METRNL: variants seen among roughly 807,000 people sequenced by gnomAD.
METRNL encodes meteorin-like protein.
Under a neutral mutation model 17.4 loss-of-function variants are expected in METRNL, and 9 were observed. That is an observed-to-expected ratio of 0.52 (90% CI 0.31 to 0.90). The LOEUF (loss-of-function observed/expected upper bound fraction) is 0.90, where lower values mean the gene tolerates loss of function less well. Among genes scored for constraint, METRNL ranks in the 40% least tolerant of loss-of-function variants. The pLI, the probability that METRNL is intolerant of heterozygous loss-of-function variation, is 0.05. For synonymous variants in METRNL, 215 were observed against 199.3 expected, an observed-to-expected ratio of 1.08 and a Z score of -0.66; for missense variants, 408 against 430.7, an observed-to-expected ratio of 0.95 and a Z score of 0.47.
intron 1 of METRNL, among the ~76,000 whole-genome samples, chr17:83,081,685 A>ACCC (rs145606529): frequency 6.7e-6 from 1 of 150,272 alleles, no homozygotes; most frequent in African/African-American, 2.5e-5. Context: ...CACACAGGGG[A>ACCC]CCCCCCCCAA....
Position 83,085,031 on chromosome 17 carries a change from T to G in METRNL, c.264T>G (p.Ala88=). Residue 88 remains alanine (A), a synonymous_variant, in exon 2 of 4, where the codon GCT becomes GCG. Transcript: ENST00000320095. ...TGGAGTGGATGTACCCAACAGGTGC[T>G]CTCATCGTTAACCTGCGGCCCAACA... ...GAVEWMYPTG[A]LIVNLRPNTF... 6.2e-7 allele frequency: 1 copy of G among 1,613,832 alleles called. No homozygotes were observed.
At chr17:83,088,453 C>T (rs1001969568) in intron 2 of METRNL, among the ~76,000 whole-genome samples, 3 of 152,212 alleles carry the variant, frequency 2.0e-5, no homozygotes, top group African/African-American at 7.2e-5. Flanking sequence ...GTCTGTTCTT[C>T]AGCTTCTCCC....
chr17:83,091,680 A>C (rs551561254), intron 2 of METRNL, among the ~76,000 whole-genome samples: 1 of 152,348 alleles, frequency 6.6e-6, no homozygotes, highest in African/African-American at 2.4e-5. Flanking sequence ...GCAGCCGGCC[A>C]GGGGTGCAGA....
At chr17:83,081,904 C>T (rs2037993803) in intron 1 of METRNL, among the ~76,000 whole-genome samples, 1 of 152,218 alleles carries the variant, frequency 6.6e-6, no homozygotes, top group African/African-American at 2.4e-5. Flanking sequence ...GGCCTGCCTG[C>T]TACCCTCCGG....
chr17:83,085,847 G>A (rs1034703305), intron 2 of METRNL, among the ~76,000 whole-genome samples: 52 of 152,212 alleles, frequency 3.4e-4, no homozygotes, highest in Admixed American at 4.6e-4. Flanking sequence ...CTGTGGTGTC[G>A]GCTAAAGACC....
At chr17:83,087,987 C>A (rs1373590373) in intron 2 of METRNL, among the ~76,000 whole-genome samples, 1 of 152,278 alleles carries the variant, frequency 6.6e-6, no homozygotes, top group Non-Finnish European at 1.5e-5. Context: ...TTGGTGTGAT[C>A]GTGGTGCGTT....
chr17:83,085,435 A>G (rs2038041918), intron 2 of METRNL, 112 bp downstream of exon 2: 2 of 1,341,762 alleles, frequency 1.5e-6, no homozygotes, highest in South Asian at 1.6e-5. Context: ...CTTGGTGAAA[A>G]CCCTTCTGTG....
In METRNL at chr17:83,088,271, C is replaced by T. The variant is rs556011888; in HGVS notation, c.556+2948C>T. On this transcript the variant is annotated intron_variant, in intron 2 of 3. Coordinates refer to ENST00000320095, the MANE Select transcript of METRNL (RefSeq NM_001004431.3). ...AGAGTGGTCAGGTGCAGCTTCCGGCCGTGCCCAGACCTGTGCCCAGCAGAC... is the reference window on the plus strand; with the variant it reads ...AGAGTGGTCAGGTGCAGCTTCCGGCTGTGCCCAGACCTGTGCCCAGCAGAC... Among the ~76,000 whole-genome samples, 302 of 152,358 alleles carry T rather than the reference C, an allele frequency of 2.0e-3. 1 individual carries two copies. The highest frequency in any genetic ancestry group is 7.0e-3 in the African/African-American group (290 of 41,582).
chr17:83,089,922 C>T (rs1217266378), intron 2 of METRNL, among the ~76,000 whole-genome samples: 5 of 152,016 alleles, frequency 3.3e-5, no homozygotes, highest in African/African-American at 7.3e-5. Flanking sequence ...CCCGGCCCCA[C>T]ACCCCTGCCG....
At chr17:83,083,082 T>C (rs1010840392) in intron 1 of METRNL, among the ~76,000 whole-genome samples, 1 of 152,214 alleles carries the variant, frequency 6.6e-6, no homozygotes, top group Non-Finnish European at 1.5e-5. Flanking sequence ...TTCCTCTTTT[T>C]GCCCAGTGTC....
At chr17:83,092,305 C>G (rs966997872) in intron 2 of METRNL, 1 of 152,300 alleles carries the variant, frequency 6.6e-6, no homozygotes, top group Non-Finnish European at 1.5e-5. Flanking sequence ...CAGGTGGACG[C>G]GTCGCTGCCT....
chr17:83,088,930 C>G (rs1438673696), intron 2 of METRNL, among the ~76,000 whole-genome samples: 1 of 152,142 alleles, frequency 6.6e-6, no homozygotes, highest in Non-Finnish European at 1.5e-5. Context: ...TCTCGTCCAT[C>G]TTTGGCTTCC....
At chr17:83,085,753 C>T (rs1029879242) in intron 2 of METRNL, among the ~76,000 whole-genome samples, 6 of 152,212 alleles carry the variant, frequency 3.9e-5, no homozygotes, top group South Asian at 2.1e-4. Flanking sequence ...CTGGGTCGGA[C>T]GCGCCCCCAT....
intron 2 of METRNL, among the ~76,000 whole-genome samples, chr17:83,089,534 G>A (rs1323047484): frequency 2.1e-5 from 3 of 140,430 alleles, no homozygotes; most frequent in Non-Finnish European, 4.6e-5. Context: ...CCACCCTGCC[G>A]GTCCCTCCCA....
At chr17:83,091,821 C>CA (rs2038140935) in intron 2 of METRNL, among the ~76,000 whole-genome samples, 1 of 152,234 alleles carries the variant, frequency 6.6e-6, no homozygotes, top group Non-Finnish European at 1.5e-5. Context: ...TTTCACGTCT[C>CA]AAAGTTTCTA....
At chr17:83,090,023 G>A (rs932097389) in intron 2 of METRNL, among the ~76,000 whole-genome samples, 2 of 152,010 alleles carry the variant, frequency 1.3e-5, no homozygotes, top group African/African-American at 4.8e-5. Flanking sequence ...TCGTGGGGCC[G>A]TGACTCACAG....
chr17:83,085,987 C>G (rs1381806125), intron 2 of METRNL, among the ~76,000 whole-genome samples: 3 of 152,202 alleles, frequency 2.0e-5, no homozygotes, highest in African/African-American at 7.2e-5. Flanking sequence ...AGACAGCTTC[C>G]CTGTGTGGCC....
Position 83,094,662 on chromosome 17 carries a change from G to T in METRNL, c.*87G>T. 2.3e-5 allele frequency: 26 copies of T among 1,142,526 alleles called. No homozygotes were observed. Among genetic ancestry groups the T allele is most frequent in the Non-Finnish European group, 2.9e-5 (25 of 876,368 alleles). The allele number at this position is 1,142,526 out of a possible 1,614,324, so 70.8% of individuals were successfully genotyped here. A position where few individuals can be genotyped will look rare whatever the true frequency, so the allele number is the denominator to read the frequency against. ...CTGGTGGGGCCGTGCGGTGAGGGCCGCGCGCTGGGAGCCGCATGCCCTGGG... is the reference window on the plus strand; with the variant it reads ...CTGGTGGGGCCGTGCGGTGAGGGCCTCGCGCTGGGAGCCGCATGCCCTGGG... On this transcript the variant is annotated 3_prime_UTR_variant, in exon 4 of 4. Transcript: ENST00000320095.
chr17:83,090,685 C>T (rs375854415), intron 2 of METRNL, among the ~76,000 whole-genome samples: 6 of 151,232 alleles, frequency 4.0e-5, no homozygotes, highest in East Asian at 2.0e-4. Flanking sequence ...ACGCTTCTGT[C>T]GTTGACCAGC....
Sources: allele counts gnomAD v4.1 joint callset (sites outside exome capture counted in the v4.1 genomes callset), GRCh38; gene constraint gnomAD v4.1.1; transcripts MANE v1.5; gene names NCBI Gene and HGNC (gene_info 2026-07-23, HGNC 2026-07-21).